FZD3: variants seen among roughly 807,000 people sequenced by gnomAD.
The protein encoded by FZD3 is frizzled-3.
Under a neutral mutation model 60.7 loss-of-function variants are expected in FZD3, and 30 were observed. The ratio of observed to expected loss-of-function variants is 0.49; its 90% CI spans 0.37 to 0.67. FZD3 has a LOEUF of 0.67. Among genes scored for constraint, FZD3 ranks in the 30% least tolerant of loss-of-function variants. The pLI is 0.00. For missense variants in FZD3, 605 were observed against 838.7 expected (o/e 0.72, Z 3.44); for synonymous variants, 246 against 275.2 (o/e 0.89, Z 1.05).
chr8:28,497,913 C>T (rs1017539287), intron 1 of FZD3, among the ~76,000 whole-genome samples: 2 of 152,152 alleles, frequency 1.3e-5, no homozygotes, highest in Non-Finnish European at 2.9e-5. Context: ...ATTGGAATCC[C>T]TTCCCTTTAT....
At chr8:28,549,529 C>T (rs967324194) in intron 5 of FZD3, among the ~76,000 whole-genome samples, 2 of 152,004 alleles carry the variant, frequency 1.3e-5, no homozygotes, top group East Asian at 3.8e-4. Context: ...GATCACATTG[C>T]CTCCTCCTTT....
At chr8:28,511,490 CAAAAATA>C (rs1804289882) in intron 3 of FZD3, among the ~76,000 whole-genome samples, 2 of 151,988 alleles carry the variant, frequency 1.3e-5, no homozygotes, top group South Asian at 2.1e-4. Flanking sequence ...CTCCATCTCA[CAAAAATA>C]AAAAATAAAA....
At position 28,527,674 on chromosome 8, in the gene FZD3, T is replaced by C; in HGVS notation, c.914T>C (p.Val305Ala). The C allele has an allele frequency of 1.2e-6, 2 of 1,614,086 alleles. No individual in the cohort carries two copies. Among genetic ancestry groups the C allele is most frequent in the Non-Finnish European group, 8.5e-7 (1 of 1,179,968 alleles). Residue 305 changes from valine (V) to alanine (A), a missense_variant, in exon 5 of 8, where the codon GTA (valine) becomes GCA (alanine). Val to Ala is a moderately conservative substitution (Grantham distance 64, BLOSUM62 0). Coordinates refer to ENST00000240093, the MANE Select transcript of FZD3 (RefSeq NM_017412.4). This position sits in a 1 kb window ranked among gnomAD's most constrained non-coding sequence, Gnocchi z 5.0. The stretch of plus-strand genomic sequence containing the variant: ...ACTATGGCTGGCAGTGTATGGTGGG[T>C]AATTCTTACCATCACATGGTTTTTA... Reference protein sequence around the residue: ...FFTMAGSVWWVILTITWFLAA... With the variant: ...FFTMAGSVWWAILTITWFLAA...
In FZD3 at chr8:28,503,179, C is replaced by G; in HGVS notation, c.166C>G (p.Gln56Glu). The G allele has an allele frequency of 6.2e-7, 1 of 1,612,620 alleles. No homozygotes were observed. Among genetic ancestry groups the G allele is most frequent in the Admixed American group, 1.7e-5 (1 of 60,016 alleles). Residue 56 changes from glutamine (Q) to glutamate (E), a missense_variant, in exon 3 of 8, where the codon CAG becomes GAG. Physicochemically the swap from Gln to Glu is conservative, Grantham distance 29. Coordinates refer to ENST00000240093, the MANE Select transcript of FZD3 (RefSeq NM_017412.4). ...MPNLLNHYDQ[Q>E]TAALAMEPFH... ...TAATCTTCTGAATCATTATGACCAACAGACAGCAGCTTTGGCAATGGAGGT... is the reference window on the plus strand; with the variant it reads ...TAATCTTCTGAATCATTATGACCAAGAGACAGCAGCTTTGGCAATGGAGGT...
rs1469517335 is a variant in FZD3, at chr8:28,527,236, G to A, written c.476G>A (p.Arg159Lys). 6.2e-7 allele frequency: 1 copy of A among 1,614,036 alleles called. No individual in the cohort carries two copies. Among genetic ancestry groups the A allele is most frequent in the Admixed American group, 1.7e-5 (1 of 60,010 alleles). ...PTEGAPVAVQRDYGFWCPREL... is the reference protein window; with the variant it reads ...PTEGAPVAVQKDYGFWCPREL... ...GAAGGAGCCCCAGTGGCAGTGCAGA[G>A]AGACTATGGTTTTTGGTGTCCCCGA... The change falls in exon 5 of 8, where the codon AGA becomes AAA. Residue 159 changes from arginine to lysine, a missense_variant. By Grantham distance (26) the Arg-to-Lys change is conservative. Transcript: ENST00000240093. This position sits in a 1 kb window ranked among gnomAD's most constrained non-coding sequence, Gnocchi z 5.0.
intron 6 of FZD3, among the ~76,000 whole-genome samples, chr8:28,555,202 A>C (rs945391605): frequency 6.6e-6 from 1 of 152,192 alleles, no homozygotes; most frequent in Non-Finnish European, 1.5e-5. Flanking sequence ...CTGCTTCTGC[A>C]TAAAATTAAC....
chr8:28,557,685 T>C (rs1805536776), intron 7 of FZD3, among the ~76,000 whole-genome samples: 1 of 152,198 alleles, frequency 6.6e-6, no homozygotes, highest in African/African-American at 2.4e-5. Flanking sequence ...GAAAGTGTAG[T>C]CTTTTTCTCC....
rs931584525 is a variant in FZD3 at position 28,570,874 on chromosome 8, T to G, written c.*7863T>G. 4 of 152,020 alleles carry G rather than the reference T, an allele frequency of 2.6e-5. No individual in the cohort carries two copies. The highest frequency in any genetic ancestry group is 9.7e-5 in the African/African-American group (4 of 41,364). 9.4% of individuals were successfully genotyped at this position (152,020 alleles called of 1,614,324 possible). On this transcript the variant is annotated 3_prime_UTR_variant, in exon 8 of 8. Coordinates refer to ENST00000240093, the MANE Select transcript of FZD3 (RefSeq NM_017412.4). ...GGAAAGTTGATATAGGAAGGTATAC[T>G]GGTTTCTGGTGTGATTCTTTAGCTA...
At chr8:28,533,424 A>G (rs1341807617) in intron 5 of FZD3, among the ~76,000 whole-genome samples, 1 of 152,160 alleles carries the variant, frequency 6.6e-6, no homozygotes, top group Non-Finnish European at 1.5e-5. Flanking sequence ...AGATTCTTGA[A>G]TTGAAAGCTT....
rs376395847 is a variant in FZD3 at position 28,524,818 on chromosome 8, A to G, written c.387-2329A>G. On this transcript the variant is annotated intron_variant, in intron 4 of 7. Coordinates refer to ENST00000240093, the MANE Select transcript of FZD3 (RefSeq NM_017412.4). ...CTGTTGAAAATCCTAACCTATATCCAGTAGCCATTGGAAATCTGGCCTCGG... is the reference window on the plus strand; with the variant it reads ...CTGTTGAAAATCCTAACCTATATCCGGTAGCCATTGGAAATCTGGCCTCGG... Among the ~76,000 whole-genome samples the G allele has an allele frequency of 1.4e-4, 21 of 152,302 alleles. 1 individual carries two copies. The highest frequency in any genetic ancestry group is 4.6e-4 in the African/African-American group (19 of 41,560).
In FZD3 at chr8:28,515,865, G is replaced by C. The variant is rs78503647; in HGVS notation, c.190-4773G>C. Among the ~76,000 whole-genome samples, 719 of 152,264 alleles carry C rather than the reference G, an allele frequency of 4.7e-3. 26 individuals carry two copies. The East Asian group carries it at 0.091, about 19-fold the overall frequency. On this transcript the variant is annotated intron_variant, in intron 3 of 7. Transcript: ENST00000240093. ...CCGTTCTGTTGGTTGTCCGTTCACTGTCCTGATAGTGTCCTTCCATATACA... is the reference window on the plus strand; with the variant it reads ...CCGTTCTGTTGGTTGTCCGTTCACTCTCCTGATAGTGTCCTTCCATATACA...
intron 4 of FZD3, among the ~76,000 whole-genome samples, chr8:28,524,671 C>T (rs1470718553): frequency 6.6e-6 from 1 of 152,176 alleles, no homozygotes; most frequent in East Asian, 1.9e-4. Flanking sequence ...TTCCTGTTCT[C>T]CACAGCCCTC....
intron 7 of FZD3, among the ~76,000 whole-genome samples, chr8:28,557,843 G>A (rs1317769202): frequency 6.6e-6 from 1 of 152,208 alleles, no homozygotes; most frequent in African/African-American, 2.4e-5. Flanking sequence ...AGAGATGGAA[G>A]ACAGAAGAGT....
At chr8:28,555,688 G>A (rs1805494964) in intron 6 of FZD3, 50 bp from the exon 7 acceptor site, 1 of 1,019,446 alleles carries the variant, frequency 9.8e-7, no homozygotes. Flanking sequence ...TTGCTTATTG[G>A]TCTGAAGGAA....
intron 2 of FZD3, among the ~76,000 whole-genome samples, chr8:28,500,681 A>G (rs1477608090): frequency 6.6e-6 from 1 of 152,172 alleles, no homozygotes; most frequent in African/African-American, 2.4e-5. Flanking sequence ...CAGTTACTTG[A>G]CATATTTAGT....
At chr8:28,525,546 G>GAAC (rs932577927) in intron 4 of FZD3, among the ~76,000 whole-genome samples, 14 of 152,194 alleles carry the variant, frequency 9.2e-5, no homozygotes, top group African/African-American at 3.4e-4. Flanking sequence ...TAAAGTCACA[G>GAAC]AACAACAGGA....
At chr8:28,509,975 T>A (rs1253524154) in intron 3 of FZD3, among the ~76,000 whole-genome samples, 2 of 152,238 alleles carry the variant, frequency 1.3e-5, no homozygotes, top group Non-Finnish European at 1.5e-5. Context: ...GGTCATATGT[T>A]AATTCCATGT....
intron 5 of FZD3, among the ~76,000 whole-genome samples, chr8:28,543,327 T>C (rs1444153658): frequency 3.3e-5 from 5 of 152,136 alleles, no homozygotes; most frequent in Admixed American, 3.3e-4. Flanking sequence ...GCCAGTGTGA[T>C]TTGAAGTCTG....
chr8:28,503,203 G>A lies in FZD3; in HGVS notation c.189+1G>A, dbSNP rs1421353187. On this transcript the variant is annotated splice_donor_variant, in intron 3 of 7. Transcript: ENST00000240093. LOFTEE classifies it high-confidence loss of function. ...ACAGACAGCAGCTTTGGCAATGGAG[G>A]TAAGACTTGATCTATTCTTTGACGT... 1 of 1,597,594 alleles carries A rather than the reference G, an allele frequency of 6.3e-7. No individual in the cohort carries two copies. The highest frequency in any genetic ancestry group is 8.6e-7 in the Non-Finnish European group (1 of 1,165,486).
Sources: allele counts gnomAD v4.1 joint callset (sites outside exome capture counted in the v4.1 genomes callset), GRCh38; gene constraint gnomAD v4.1.1; non-coding constraint Gnocchi (gnomAD v3.1); transcripts MANE v1.5; gene names NCBI Gene and HGNC (gene_info 2026-07-23, HGNC 2026-07-21).